The following BAZ2B variants were observed in gnomAD, a reference collection of about 807,000 sequenced individuals.
BAZ2B encodes the protein bromodomain adjacent to zinc finger domain protein 2B.
A neutral mutation model predicts 246.0 loss-of-function variants in BAZ2B; 91 were observed. The observed-to-expected ratio is 0.37, with a 90% confidence interval of 0.31 to 0.44. The LOEUF is 0.44. Among genes scored for constraint, BAZ2B ranks in the 20% least tolerant of loss-of-function variants. The pLI, the probability that BAZ2B is intolerant of heterozygous loss-of-function variation, is 1.00. For missense variants in BAZ2B, 2,332 were observed against 2,533.7 expected, an observed-to-expected ratio of 0.92 and a Z score of 1.71; for synonymous variants, 855 against 860.0, an observed-to-expected ratio of 0.99 and a Z score of 0.10.
chr2:159,346,808 G>C (rs1286513327), intron 31 of BAZ2B, among the ~76,000 whole-genome samples: 1 of 152,062 alleles, frequency 6.6e-6, no homozygotes, highest in Non-Finnish European at 1.5e-5. Context: ...AAAAATTCTT[G>C]CACAAGGGTA....
intron 22 of BAZ2B, among the ~76,000 whole-genome samples, chr2:159,385,606 T>C (rs2062554403): frequency 1.3e-5 from 2 of 151,862 alleles, no homozygotes; most frequent in African/African-American, 4.8e-5. Context: ...GGGAGAAGAG[T>C]ATGCAAATTC....
chr2:159,604,621 T>C (rs1692965981), intron 1 of BAZ2B, among the ~76,000 whole-genome samples: 1 of 152,144 alleles, frequency 6.6e-6, no homozygotes, highest in South Asian at 2.1e-4. Flanking sequence ...TGAAACAAAA[T>C]TACAACCAAA....
the BAZ2B span, among the ~76,000 whole-genome samples, chr2:159,626,465 C>A: frequency 6.6e-6 from 1 of 152,130 alleles, no homozygotes; most frequent in Non-Finnish European, 1.5e-5. Flanking sequence ...GAAATCATAA[C>A]AAACACTCTC....
downstream of BAZ2B, among the ~76,000 whole-genome samples, chr2:159,317,756 C>T (rs1005271122): frequency 6.9e-5 from 10 of 145,828 alleles, no homozygotes; most frequent in African/African-American, 2.3e-4. Flanking sequence ...TTAGGATAAT[C>T]TTTTTTTTTT....
chr2:159,659,438 T>C, the BAZ2B span, among the ~76,000 whole-genome samples: 1 of 152,204 alleles, frequency 6.6e-6, no homozygotes, highest in African/African-American at 2.4e-5. Flanking sequence ...TAGCAAGGGA[T>C]GTGTGGAGAG....
chr2:159,708,944 G>T, the BAZ2B span, among the ~76,000 whole-genome samples: 1 of 152,054 alleles, frequency 6.6e-6, no homozygotes, highest in Non-Finnish European at 1.5e-5. Context: ...GAATTTTTTG[G>T]ATGTTCATTT....
chr2:159,370,664 AC>A (rs1217444745), intron 27 of BAZ2B, among the ~76,000 whole-genome samples: 1 of 151,168 alleles, frequency 6.6e-6, no homozygotes. Flanking sequence ...GAGCCACCGC[AC>A]CCGGCCCAGG....
chr2:159,497,183 G>A (rs1056075975), intron 2 of BAZ2B, among the ~76,000 whole-genome samples: 2 of 152,000 alleles, frequency 1.3e-5, no homozygotes, highest in East Asian at 1.9e-4. Context: ...CACTAAATTC[G>A]GAGTAGTGAG....
chr2:159,598,677 C>G (rs989247208), intron 1 of BAZ2B, among the ~76,000 whole-genome samples: 1 of 151,938 alleles, frequency 6.6e-6, no homozygotes, highest in African/African-American at 2.4e-5. Context: ...ACCAGCCTGG[C>G]CAACATGGTG....
chr2:159,375,202 GA>G (rs1281443788), intron 25 of BAZ2B, among the ~76,000 whole-genome samples: 1 of 151,970 alleles, frequency 6.6e-6, no homozygotes. Flanking sequence ...ATCCCCAGAA[GA>G]AACAAAACAA....
At chr2:159,523,377 G>GGGT (rs1249368996) in intron 2 of BAZ2B, among the ~76,000 whole-genome samples, 1 of 152,130 alleles carries the variant, frequency 6.6e-6, no homozygotes, top group Non-Finnish European at 1.5e-5. Context: ...ACTCTAGCCT[G>GGGT]GGTGACAGAG....
intron 3 of BAZ2B, among the ~76,000 whole-genome samples, chr2:159,472,578 T>C (rs987220915): frequency 3.3e-5 from 5 of 152,368 alleles, no homozygotes; most frequent in African/African-American, 9.6e-5. Context: ...TCAAAGGGAA[T>C]GCTTCCAGCT....
At chr2:159,596,395 T>C (rs1455571624) in intron 1 of BAZ2B, among the ~76,000 whole-genome samples, 1 of 152,216 alleles carries the variant, frequency 6.6e-6, no homozygotes, top group Non-Finnish European at 1.5e-5. Flanking sequence ...AGCACGGCCC[T>C]AAAGTTTGTT....
intron 31 of BAZ2B, among the ~76,000 whole-genome samples, chr2:159,338,498 C>T (rs2066044530): frequency 6.6e-6 from 1 of 152,146 alleles, no homozygotes; most frequent in South Asian, 2.1e-4. Flanking sequence ...ATCTCCAGTA[C>T]AGTGCAGGCA....
chr2:159,570,903 G>C (rs998477398), intron 1 of BAZ2B, among the ~76,000 whole-genome samples: 1 of 152,022 alleles, frequency 6.6e-6, no homozygotes, highest in African/African-American at 2.4e-5. Flanking sequence ...GCCCAGGCTG[G>C]AGTGCAGTGG....
intron 3 of BAZ2B, among the ~76,000 whole-genome samples, chr2:159,457,295 G>C (rs776757739): frequency 6.6e-6 from 1 of 152,160 alleles, no homozygotes; most frequent in Non-Finnish European, 1.5e-5. Flanking sequence ...TATAAAACAA[G>C]TTTGTTAATA....
At chr2:159,501,528 C>T (rs2081840622) in intron 2 of BAZ2B, among the ~76,000 whole-genome samples, 1 of 151,494 alleles carries the variant, frequency 6.6e-6, no homozygotes, top group South Asian at 2.1e-4. Context: ...CAAAGTAAAA[C>T]AAAGTACAAA....
the BAZ2B span, among the ~76,000 whole-genome samples, chr2:159,627,142 C>T: frequency 7.2e-5 from 11 of 152,170 alleles, no homozygotes; most frequent in Middle Eastern, 6.8e-3. Context: ...CCTGAATAGA[C>T]CAATAACAAG....
At chr2:159,688,115 T>C in the BAZ2B span, among the ~76,000 whole-genome samples, 1 of 152,180 alleles carries the variant, frequency 6.6e-6, no homozygotes, top group Admixed American at 6.5e-5. Flanking sequence ...TCCTAGTTCA[T>C]TGCCACCTTG....
Sources: allele counts gnomAD v4.1 joint callset (sites outside exome capture counted in the v4.1 genomes callset), GRCh38; gene constraint gnomAD v4.1.1; transcripts MANE v1.5; gene names NCBI Gene and HGNC (gene_info 2026-07-23, HGNC 2026-07-21).